THAP5: variants seen among roughly 807,000 people sequenced by gnomAD.
The protein encoded by THAP5 is THAP domain-containing protein 5.
A neutral mutation model predicts 34.0 loss-of-function variants in THAP5; 26 were observed. That is an observed-to-expected ratio of 0.77 (90% CI 0.56 to 1.06). The LOEUF is 1.06. Ranked by LOEUF, THAP5 falls within the 50% of genes least tolerant of loss-of-function variation. The probability of loss-of-function intolerance (pLI) is 0.00; values close to 1 mark genes in which losing one functional copy is unlikely to be tolerated. For missense variants in THAP5, 394 were observed against 452.8 expected (o/e 0.87, Z 1.18); for synonymous variants, 125 against 153.0 (o/e 0.82, Z 1.35).
Position 108,564,128 on chromosome 7 carries a change from C to T in THAP5, c.*63G>A, listed in dbSNP as rs1790422698. 1 of 1,309,178 alleles carries T rather than the reference C, an allele frequency of 7.6e-7. No individual in the cohort carries two copies. The highest frequency in any genetic ancestry group is 1.1e-6 in the Non-Finnish European group (1 of 951,768). The allele number at this position is 1,309,178 out of a possible 1,614,324, so 81.1% of individuals were successfully genotyped here. On this transcript the variant is annotated 3_prime_UTR_variant, in exon 3 of 3. Transcript: ENST00000415914. The stretch of plus-strand genomic sequence containing the variant: ...TTTATACAGGAAACAGTTCACTTTA[C>T]ATGTAGTTTGGTTTGGCTGGAAAAA...
chr7:108,542,715 G>A, the THAP5 span, among the ~76,000 whole-genome samples: 5 of 152,008 alleles, frequency 3.3e-5, no homozygotes, highest in Non-Finnish European at 7.4e-5. Flanking sequence ...CATCTGCCTC[G>A]GCCTCTCAAA....
At chr7:108,567,458 A>G (rs1790509779) in intron 1 of THAP5, among the ~76,000 whole-genome samples, 1 of 152,164 alleles carries the variant, frequency 6.6e-6, no homozygotes. Context: ...TTGTACCTAT[A>G]TGCTAAGTTA....
At chr7:108,551,110 A>G (rs961196021), downstream of THAP5, among the ~76,000 whole-genome samples, 2 of 152,178 alleles carry the variant, frequency 1.3e-5, no homozygotes. Flanking sequence ...CTTTGCTCAG[A>G]AAGAACATGA....
At chr7:108,551,979 C>T (rs553940980), downstream of THAP5, among the ~76,000 whole-genome samples, 1 of 152,220 alleles carries the variant, frequency 6.6e-6, no homozygotes, top group South Asian at 2.1e-4. Flanking sequence ...AGAGAATACA[C>T]CTTCAGTCTT....
At chr7:108,554,356 TTAGAG>T (rs1452288112), downstream of THAP5, among the ~76,000 whole-genome samples, 5 of 152,212 alleles carry the variant, frequency 3.3e-5, no homozygotes, top group East Asian at 9.7e-4. Flanking sequence ...TCTTCATTGA[TTAGAG>T]TAGATTTTTC....
the THAP5 span, among the ~76,000 whole-genome samples, chr7:108,544,839 T>G: frequency 6.6e-6 from 1 of 151,928 alleles, no homozygotes; most frequent in Non-Finnish European, 1.5e-5. Context: ...TGTAATTTTT[T>G]ATAGAGACGG....
downstream of THAP5, among the ~76,000 whole-genome samples, chr7:108,550,156 A>T (rs1177964806): frequency 1.3e-5 from 2 of 152,218 alleles, no homozygotes; most frequent in Non-Finnish European, 2.9e-5. Flanking sequence ...CCTTGGATAT[A>T]CAGAATCAAT....
At position 108,556,599 on chromosome 7, in the gene THAP5, C is replaced by A. The variant is rs572571143; in HGVS notation, n.109-1740G>T. ...GTCTCATATCCAAGGCATGCTGATGCAAGGGGTGGGCTCCCAAGGCCTCGG... is the reference window on the plus strand; with the variant it reads ...GTCTCATATCCAAGGCATGCTGATGAAAGGGGTGGGCTCCCAAGGCCTCGG... On this transcript the variant is annotated intron_variant and non_coding_transcript_variant, in intron 1 of 1. Coordinates refer to the THAP5 transcript ENST00000468884. Among the ~76,000 whole-genome samples the A allele has an allele frequency of 9.8e-5, 15 of 152,318 alleles. No individual in the cohort carries two copies. The East Asian group carries it at 2.9e-3, about 29-fold the overall frequency.
downstream of THAP5, among the ~76,000 whole-genome samples, chr7:108,560,844 C>T (rs374389130): frequency 7.8e-4 from 118 of 152,088 alleles, no homozygotes; most frequent in Middle Eastern, 3.4e-3. Flanking sequence ...CTCAAGAGAT[C>T]CTCCCACTTC....
downstream of THAP5, among the ~76,000 whole-genome samples, chr7:108,549,840 A>T (rs40922): frequency 0.6 from 90,957 of 152,012 alleles, 27,947 homozygotes; most frequent in African/African-American, 0.74. Context: ...TTTATGTTTC[A>T]TTTGAAGAAC....
chr7:108,569,694 A>G lies in THAP5; in HGVS notation c.-125T>C, dbSNP rs1790573449. The G allele has an allele frequency of 1.5e-6, 2 of 1,304,908 alleles. No homozygotes were observed. The highest frequency in any genetic ancestry group is 2.1e-6 in the Non-Finnish European group (2 of 949,592). 80.8% of individuals were successfully genotyped at this position (1,304,908 alleles called of 1,614,324 possible). ...GCCTGCGCTAGCATTCTGCCGGGAA[A>G]GCCGCCTCGTCTGTCGACTCACTTC... On this transcript the variant is annotated 5_prime_UTR_variant, in exon 1 of 3. Transcript: ENST00000415914.
the THAP5 span, among the ~76,000 whole-genome samples, chr7:108,542,798 C>A: frequency 6.6e-6 from 1 of 152,070 alleles, no homozygotes; most frequent in Admixed American, 6.6e-5. Flanking sequence ...TGACTGAAGT[C>A]ACTTAGTGGC....
At chr7:108,559,106 AAC>A (rs1864408598), downstream of THAP5, among the ~76,000 whole-genome samples, 1 of 152,220 alleles carries the variant, frequency 6.6e-6, no homozygotes, top group African/African-American at 2.4e-5. Context: ...GGGGGAACAA[AAC>A]ACAGATAAAT....
At chr7:108,561,886 G>C (rs1864435216), downstream of THAP5, among the ~76,000 whole-genome samples, 1 of 152,196 alleles carries the variant, frequency 6.6e-6, no homozygotes, top group African/African-American at 2.4e-5. Flanking sequence ...ATAGGCAACA[G>C]AGCAATGTTG....
the THAP5 span, among the ~76,000 whole-genome samples, chr7:108,545,567 T>G: frequency 0.058 from 8,889 of 152,200 alleles, 837 homozygotes; most frequent in African/African-American, 0.2. Context: ...AAGAGATAAG[T>G]CATTCAAGAT....
chr7:108,547,519 A>G, the THAP5 span, among the ~76,000 whole-genome samples: 2 of 152,210 alleles, frequency 1.3e-5, no homozygotes, highest in Admixed American at 6.5e-5. Context: ...GAACTTACAT[A>G]TTATTTTCCA....
At chr7:108,554,578 T>A (rs1271422177) in exon 2 of THAP5, 3 of 152,188 alleles carry the variant, frequency 2.0e-5, no homozygotes, top group Middle Eastern at 3.2e-3. Flanking sequence ...ATATGTTAAG[T>A]TTTTTACATT....
At chr7:108,556,748 G>A (rs897566308) in intron 1 of THAP5, among the ~76,000 whole-genome samples, 7 of 152,188 alleles carry the variant, frequency 4.6e-5, no homozygotes, top group African/African-American at 1.7e-4. Context: ...CCATTCTGGG[G>A]TCTAGAGGAC....
chr7:108,565,747 C>T, intron 2 of THAP5, 83 bp downstream of exon 2: 1 of 1,075,910 alleles, frequency 9.3e-7, no homozygotes, highest in Non-Finnish European at 1.3e-6. Flanking sequence ...AGTTATAGTT[C>T]CCTCTTACTC....
Sources: allele counts gnomAD v4.1 joint callset (sites outside exome capture counted in the v4.1 genomes callset), GRCh38; gene constraint gnomAD v4.1.1; transcripts MANE v1.5; gene names NCBI Gene and HGNC (gene_info 2026-07-23, HGNC 2026-07-21).